The following GALNT13 variants were observed in gnomAD, a reference collection of about 807,000 sequenced individuals.
The protein encoded by GALNT13 is UDP-GalNAc:polypeptide N-acetylgalactosaminyltransferase 13.
In GALNT13, 28 loss-of-function variants were observed where a neutral mutation model predicts 64.2. That is an observed-to-expected ratio of 0.44 (90% CI 0.32 to 0.60). GALNT13 has a LOEUF of 0.60. Among genes scored for constraint, GALNT13 ranks in the 20% least tolerant of loss-of-function variants. The pLI is 0.05. For synonymous variants in GALNT13, 214 were observed against 224.6 expected (o/e 0.95, Z 0.42); for missense variants, 577 against 669.8 (o/e 0.86, Z 1.53).
At chr2:153,973,118 T>G (rs993567509) in intron 3 of GALNT13, among the ~76,000 whole-genome samples, 1 of 151,988 alleles carries the variant, frequency 6.6e-6, no homozygotes, top group Non-Finnish European at 1.5e-5. Flanking sequence ...GCCCCTTTTT[T>G]TTCCTAACAA....
the GALNT13 span, among the ~76,000 whole-genome samples, chr2:153,223,511 G>T: frequency 2.7e-3 from 408 of 152,020 alleles, no homozygotes; most frequent in African/African-American, 9.1e-3. Flanking sequence ...TTAAACTAGA[G>T]AACAATGAAC....
At chr2:153,128,681 A>G in the GALNT13 span, among the ~76,000 whole-genome samples, 8 of 152,196 alleles carry the variant, frequency 5.3e-5, no homozygotes, top group African/African-American at 1.9e-4. Flanking sequence ...AAGAGCGCAT[A>G]TTAATCTGTT....
chr2:153,786,015 A>C, the GALNT13 span, among the ~76,000 whole-genome samples: 3 of 150,790 alleles, frequency 2.0e-5, no homozygotes, highest in East Asian at 2.0e-4. Flanking sequence ...AGCAGTGCGG[A>C]TGCTCCACCT....
intron 4 of GALNT13, among the ~76,000 whole-genome samples, chr2:154,145,139 A>G (rs1271646876): frequency 6.9e-6 from 1 of 145,614 alleles, no homozygotes; most frequent in Non-Finnish European, 1.5e-5. Flanking sequence ...AAAAATTTAC[A>G]TATAAATTTA....
At chr2:153,663,086 C>T in the GALNT13 span, among the ~76,000 whole-genome samples, 3 of 152,118 alleles carry the variant, frequency 2.0e-5, no homozygotes, top group African/African-American at 4.8e-5. Flanking sequence ...GAAGAAACTC[C>T]TTTGAAAGCA....
At chr2:154,290,949 G>A (rs1343509020) in intron 8 of GALNT13, among the ~76,000 whole-genome samples, 2 of 151,466 alleles carry the variant, frequency 1.3e-5, no homozygotes, top group Non-Finnish European at 2.9e-5. Context: ...CGGTGGGTTC[G>A]TGGTCTCGCG....
At chr2:153,810,393 C>T in the GALNT13 span, among the ~76,000 whole-genome samples, 1 of 152,120 alleles carries the variant, frequency 6.6e-6, no homozygotes, top group Admixed American at 6.5e-5. Context: ...GATTAAATTA[C>T]TGGTATCTAC....
chr2:154,333,398 C>T (rs995879960), intron 9 of GALNT13, among the ~76,000 whole-genome samples: 35 of 151,888 alleles, frequency 2.3e-4, no homozygotes, highest in African/African-American at 8.5e-4. Context: ...GATTCTGTAG[C>T]CAGAGATTCT....
the GALNT13 span, among the ~76,000 whole-genome samples, chr2:153,133,011 C>T: frequency 6.6e-6 from 1 of 151,188 alleles, no homozygotes; most frequent in African/African-American, 2.4e-5. Context: ...GCATGGGCCA[C>T]TGTGCCAGGC....
At chr2:153,722,331 A>G in the GALNT13 span, among the ~76,000 whole-genome samples, 1 of 142,110 alleles carries the variant, frequency 7.0e-6, no homozygotes, top group Non-Finnish European at 1.5e-5. Flanking sequence ...AATTTATAGC[A>G]CTAAATGCCC....
the GALNT13 span, among the ~76,000 whole-genome samples, chr2:153,255,085 T>C: frequency 1.3e-5 from 2 of 152,084 alleles, no homozygotes; most frequent in Non-Finnish European, 2.9e-5. Context: ...AGTCTCCCAT[T>C]ATTAATGTGT....
At chr2:153,668,081 CACCCA>C in the GALNT13 span, among the ~76,000 whole-genome samples, 1 of 152,068 alleles carries the variant, frequency 6.6e-6, no homozygotes, top group Non-Finnish European at 1.5e-5. Flanking sequence ...AATATATATG[CACCCA>C]ACACTGGGGC....
chr2:153,404,899 A>T, the GALNT13 span, among the ~76,000 whole-genome samples: 38 of 152,350 alleles, frequency 2.5e-4, no homozygotes, highest in South Asian at 7.7e-3. Context: ...AAATATTCAC[A>T]CATATATGTG....
the GALNT13 span, among the ~76,000 whole-genome samples, chr2:153,774,308 TTCTC>T: frequency 6.6e-6 from 1 of 152,026 alleles, no homozygotes; most frequent in Non-Finnish European, 1.5e-5. Context: ...GATGTTTCTT[TTCTC>T]TCTCTCTCCC....
intron 1 of GALNT13, among the ~76,000 whole-genome samples, chr2:153,892,521 T>C (rs1251379651): frequency 6.6e-6 from 1 of 152,000 alleles, no homozygotes; most frequent in East Asian, 1.9e-4. Flanking sequence ...TAAAGTTAGG[T>C]TTAAAGATGT....
At chr2:153,286,935 A>G in the GALNT13 span, among the ~76,000 whole-genome samples, 17 of 152,360 alleles carry the variant, frequency 1.1e-4, no homozygotes, top group African/African-American at 3.8e-4. Flanking sequence ...AAAACCTTAT[A>G]AACACAATCA....
chr2:153,792,155 G>C, the GALNT13 span, among the ~76,000 whole-genome samples: 3 of 152,018 alleles, frequency 2.0e-5, no homozygotes, highest in African/African-American at 7.2e-5. Flanking sequence ...TATCTTTTCA[G>C]TATTTTTCTA....
At chr2:153,097,597 CAGTA>C in the GALNT13 span, among the ~76,000 whole-genome samples, 3 of 152,134 alleles carry the variant, frequency 2.0e-5, no homozygotes, top group East Asian at 3.9e-4. Flanking sequence ...ACATGAAGAT[CAGTA>C]AGTAAGTTTG....
At chr2:153,352,655 G>T in the GALNT13 span, among the ~76,000 whole-genome samples, 1 of 151,972 alleles carries the variant, frequency 6.6e-6, no homozygotes, top group Non-Finnish European at 1.5e-5. Context: ...TCTGCATCTA[G>T]AATCATATAT....
Sources: allele counts gnomAD v4.1 joint callset (sites outside exome capture counted in the v4.1 genomes callset), GRCh38; gene constraint gnomAD v4.1.1; transcripts MANE v1.5; gene names NCBI Gene and HGNC (gene_info 2026-07-23, HGNC 2026-07-21).